ASCC3: variants seen among roughly 807,000 people sequenced by gnomAD.
The protein encoded by ASCC3 is activating signal cointegrator 1 complex subunit 3, also known as ASC-1 complex subunit P200.
A neutral mutation model predicts 256.3 loss-of-function variants in ASCC3; 158 were observed. The observed-to-expected ratio is 0.62, with a 90% CI of 0.54 to 0.70. The LOEUF is 0.70. ASCC3 is among the 30% of genes least tolerant of loss of function. The probability of loss-of-function intolerance (pLI) is 0.00; values close to 1 mark genes in which losing one functional copy is unlikely to be tolerated. For synonymous variants in ASCC3, 948 were observed against 883.4 expected (o/e 1.07, Z -1.30); for missense variants, 2,259 against 2,626.0 (o/e 0.86, Z 3.05).
chr6:100,536,613 T>C (rs985903286), intron 37 of ASCC3, among the ~76,000 whole-genome samples: 1 of 152,062 alleles, frequency 6.6e-6, no homozygotes, highest in African/African-American at 2.4e-5. Flanking sequence ...CCCCCTACCA[T>C]CCATCACCAC....
At chr6:100,836,323 T>G (rs536553218) in intron 4 of ASCC3, among the ~76,000 whole-genome samples, 22 of 152,062 alleles carry the variant, frequency 1.4e-4, no homozygotes, top group African/African-American at 5.3e-4. Flanking sequence ...ATCCTCATCT[T>G]ATTCCAGATC....
chr6:100,665,147 C>T (rs1776402822), intron 14 of ASCC3, among the ~76,000 whole-genome samples: 1 of 152,072 alleles, frequency 6.6e-6, no homozygotes, highest in African/African-American at 2.4e-5. Context: ...TAGTACCTCC[C>T]ACTTGATCAC....
At position 100,582,882 on chromosome 6, in the gene ASCC3, A is replaced by T. The variant is rs1771387532; in HGVS notation, c.5550+6752T>A. On this transcript the variant is annotated intron_variant, in intron 36 of 41. Coordinates refer to ENST00000369162, the MANE Select transcript of ASCC3 (RefSeq NM_006828.4). ...GTCTTTGGTTTTGTTTATATGCTGG[A>T]TTACATTTATTGATTTGCGTATATT... Among the ~76,000 whole-genome samples, 5 of 152,150 alleles carry T rather than the reference A, an allele frequency of 3.3e-5. No homozygotes were observed. In the South Asian group the frequency reaches 1.0e-3, roughly 32 times the overall value.
intron 34 of ASCC3, among the ~76,000 whole-genome samples, chr6:100,590,373 A>G (rs1771940470): frequency 6.6e-6 from 1 of 152,098 alleles, no homozygotes; most frequent in African/African-American, 2.4e-5. Flanking sequence ...CCAGCTCTGT[A>G]TATTTTCCAA....
chr6:100,810,530 C>T lies in ASCC3; in HGVS notation c.802-4650G>A, dbSNP rs574826910. Among the ~76,000 whole-genome samples the T allele has an allele frequency of 2.6e-5, 4 of 152,122 alleles. No individual in the cohort carries two copies. In the South Asian group the frequency reaches 8.3e-4, roughly 32 times the overall value. ...AGTATTTTCTTTCAAATTTTTAACC[C>T]TTAAATAAGTGTCATATTTTTTCAA... On this transcript the variant is annotated intron_variant, in intron 4 of 41. Transcript: ENST00000369162.
At chr6:100,614,974 C>T (rs555141888) in intron 30 of ASCC3, among the ~76,000 whole-genome samples, 4 of 151,908 alleles carry the variant, frequency 2.6e-5, no homozygotes, top group South Asian at 4.2e-4. Flanking sequence ...GTTGTTTGCT[C>T]GTTTGATATT....
chr6:100,773,811 G>C (rs973309805), intron 8 of ASCC3, among the ~76,000 whole-genome samples: 4 of 152,146 alleles, frequency 2.6e-5, no homozygotes, highest in South Asian at 2.1e-4. Flanking sequence ...AATTAAATGA[G>C]GGGAAAAGTT....
At position 100,868,025 on chromosome 6, in the gene ASCC3, C is replaced by A. The variant is rs976905921; in HGVS notation, c.-28G>T. The A allele has an allele frequency of 1.3e-6, 2 of 1,534,008 alleles. No individual in the cohort carries two copies. The highest frequency in any genetic ancestry group is 1.4e-5 in the African/African-American group (1 of 73,264). ...ATTATTCAATCAGTGATCCATACAG[C>A]AAGAAACCTGAAACTGAAACAAAAC... On this transcript the variant is annotated 5_prime_UTR_variant, in exon 2 of 42. Transcript: ENST00000369162.
At chr6:100,750,930 T>G (rs984327419) in intron 10 of ASCC3, among the ~76,000 whole-genome samples, 1 of 152,032 alleles carries the variant, frequency 6.6e-6, no homozygotes, top group Non-Finnish European at 1.5e-5. Flanking sequence ...GATGGTCACC[T>G]TGGGGCAGGG....
chr6:100,722,427 G>A (rs1779385369), intron 11 of ASCC3, among the ~76,000 whole-genome samples: 1 of 151,580 alleles, frequency 6.6e-6, no homozygotes, highest in South Asian at 2.1e-4. Context: ...ACTTGCACAT[G>A]TACCCCTGAA....
chr6:100,743,834 A>G (rs888590886), intron 10 of ASCC3, among the ~76,000 whole-genome samples: 7 of 152,184 alleles, frequency 4.6e-5, no homozygotes, highest in Non-Finnish European at 4.4e-5. Context: ...CCTACATATC[A>G]CTGGATTATA....
At chr6:100,662,254 C>A (rs1268291451) in intron 15 of ASCC3, 91 bp downstream of exon 15, 3 of 1,348,250 alleles carry the variant, frequency 2.2e-6, no homozygotes, top group South Asian at 2.8e-5. Flanking sequence ...AAGGAAACAG[C>A]CAAATCACAA....
At chr6:100,672,296 T>G (rs1488665843) in intron 14 of ASCC3, among the ~76,000 whole-genome samples, 1 of 152,098 alleles carries the variant, frequency 6.6e-6, no homozygotes, top group African/African-American at 2.4e-5. Context: ...TCCCTAAAAA[T>G]ATTTCCACTT....
intron 36 of ASCC3, among the ~76,000 whole-genome samples, chr6:100,567,619 C>G (rs751474806): frequency 5.3e-4 from 80 of 152,282 alleles, no homozygotes; most frequent in Non-Finnish European, 3.8e-4. Flanking sequence ...CATGAGTACC[C>G]ACTGTTTAGC....
rs747109985 is a variant in ASCC3 at position 100,805,756 on chromosome 6, T to C, written c.922+4A>G. 1.2e-6 allele frequency: 2 copies of C among 1,610,082 alleles called. No individual in the cohort carries two copies. The highest frequency in any genetic ancestry group is 1.1e-5 in the South Asian group (1 of 90,980). On this transcript the variant is annotated splice_donor_region_variant and intron_variant, in intron 5 of 41. Coordinates refer to ENST00000369162, the MANE Select transcript of ASCC3 (RefSeq NM_006828.4). The stretch of plus-strand genomic sequence containing the variant: ...ATTACAATGACCACTGCATACTTTC[T>C]TACCTTGAAGAGCCTGAAACCTATG...
At chr6:100,512,454 C>G (rs938104981) in intron 40 of ASCC3, among the ~76,000 whole-genome samples, 2 of 152,152 alleles carry the variant, frequency 1.3e-5, no homozygotes, top group African/African-American at 4.8e-5. Flanking sequence ...TTCTGCTGGC[C>G]AGAGTCTGTA....
At chr6:100,557,039 A>G (rs1441292504) in intron 36 of ASCC3, among the ~76,000 whole-genome samples, 1 of 152,170 alleles carries the variant, frequency 6.6e-6, no homozygotes, top group Non-Finnish European at 1.5e-5. Context: ...CATGATGAAC[A>G]CAAGATTTTA....
In ASCC3 at chr6:100,610,463, C is replaced by T. The variant is rs544321777; in HGVS notation, c.4786-3375G>A. Among the ~76,000 whole-genome samples, 8 of 151,920 alleles carry T rather than the reference C, an allele frequency of 5.3e-5. No individual in the cohort carries two copies. The East Asian group carries it at 1.5e-3, about 29-fold the overall frequency. Reference sequence around the variant, plus strand: ...AGTTTTTTTTTAATGTGGAAGCAAGCTGTTTTATACTTATAATAATCCATA... The same window carrying T: ...AGTTTTTTTTTAATGTGGAAGCAAGTTGTTTTATACTTATAATAATCCATA... On this transcript the variant is annotated intron_variant, in intron 30 of 41. Coordinates refer to ENST00000369162, the MANE Select transcript of ASCC3 (RefSeq NM_006828.4).
chr6:100,604,256 A>G (rs951093057), intron 33 of ASCC3, among the ~76,000 whole-genome samples: 3 of 152,044 alleles, frequency 2.0e-5, no homozygotes, highest in Non-Finnish European at 4.4e-5. Flanking sequence ...ATATTTTTCC[A>G]TTCCTGATAT....
Sources: gnomAD v4.1 joint callset for allele counts (sites outside exome capture counted in the v4.1 genomes callset) on GRCh38, gnomAD v4.1.1 for gene constraint, MANE v1.5 for transcripts, NCBI Gene and HGNC (gene_info 2026-07-23, HGNC 2026-07-21) for gene names.